Variants in PDE1C observed in about 807,000 individuals in gnomAD.
The protein encoded by PDE1C is phosphodiesterase 1C, also known as dual specificity calcium/calmodulin-dependent 3',5'-cyclic nucleotide phosphodiesterase 1C.
PDE1C carries 62 observed loss-of-function variants against 93.1 expected under a neutral mutation model. The observed-to-expected ratio is 0.67, with a 90% CI of 0.54 to 0.82. The LOEUF (loss-of-function observed/expected upper bound fraction) is 0.82. Among genes scored for constraint, PDE1C ranks in the 40% least tolerant of loss-of-function variants. PDE1C has a pLI of 0.00. For missense variants in PDE1C, 742 were observed against 884.6 expected, an observed-to-expected ratio of 0.84 and a Z score of 2.04; for synonymous variants, 325 against 310.1, an observed-to-expected ratio of 1.05 and a Z score of -0.50.
intron 2 of PDE1C, among the ~76,000 whole-genome samples, chr7:31,913,407 T>TG (rs1159540990): frequency 6.8e-6 from 1 of 146,678 alleles, no homozygotes; most frequent in Non-Finnish European, 1.5e-5. Flanking sequence ...TGAATCAAGG[T>TG]GAAAAAAAAA....
At chr7:32,189,826 C>T (rs1001974315) in intron 2 of PDE1C, among the ~76,000 whole-genome samples, 1 of 152,160 alleles carries the variant, frequency 6.6e-6, no homozygotes, top group Non-Finnish European at 1.5e-5. Context: ...CCCAAACTAG[C>T]CTTTGCTGAT....
In PDE1C at chr7:31,816,006, A is replaced by G. The variant is rs1322933125; in HGVS notation, c.1731T>C (p.Asn577=). Residue 577 remains asparagine (N), a synonymous_variant, in exon 15 of 18, where the codon AAT becomes AAC. Transcript: ENST00000396191. ...KTSGETKNQV[N]GTRANKSDNP... ...TGTCACTTTTGTTTGCCCGTGTTCC[A>G]TTGACTTGATTCTTAGTTTCTCCAG... 1 of 1,613,912 alleles carries G rather than the reference A, an allele frequency of 6.2e-7. No homozygotes were observed. Among genetic ancestry groups the G allele is most frequent in the East Asian group, 2.2e-5 (1 of 44,862 alleles).
At chr7:31,769,780 C>A (rs1795365582) in intron 17 of PDE1C, among the ~76,000 whole-genome samples, 2 of 152,178 alleles carry the variant, frequency 1.3e-5, no homozygotes, top group Non-Finnish European at 2.9e-5. Context: ...TTCTCCCCAG[C>A]CCGTGACAAC....
At chr7:32,387,542 C>G (rs1393304454) in intron 1 of PDE1C, among the ~76,000 whole-genome samples, 2 of 141,930 alleles carry the variant, frequency 1.4e-5, no homozygotes, top group Non-Finnish European at 3.1e-5. Flanking sequence ...GGCGGCTGGC[C>G]GGGCAGAGGG....
intron 3 of PDE1C, among the ~76,000 whole-genome samples, chr7:32,092,230 C>A (rs13246508): frequency 2.6e-5 from 4 of 151,906 alleles, no homozygotes; most frequent in African/African-American, 9.7e-5. Flanking sequence ...GGAAAGAGTT[C>A]CTTAAAGAGC....
chr7:31,889,022 A>C (rs1009173488), intron 2 of PDE1C, among the ~76,000 whole-genome samples: 14 of 152,222 alleles, frequency 9.2e-5, no homozygotes, highest in Admixed American at 9.2e-4. Context: ...GACCTAAATA[A>C]TGGAAGAAGA....
chr7:32,133,184 C>T (rs763884436), intron 3 of PDE1C, among the ~76,000 whole-genome samples: 4 of 152,068 alleles, frequency 2.6e-5, no homozygotes, highest in Non-Finnish European at 5.9e-5. Context: ...ATATATACAG[C>T]GTTTAAAGAC....
At chr7:31,952,943 C>T (rs189019257) in intron 2 of PDE1C, among the ~76,000 whole-genome samples, 17 of 152,160 alleles carry the variant, frequency 1.1e-4, no homozygotes, top group Admixed American at 3.9e-4. Flanking sequence ...GTTTAATTTT[C>T]TACATGCATC....
intron 6 of PDE1C, among the ~76,000 whole-genome samples, chr7:31,869,476 TATATC>T (rs1001709636): frequency 6.6e-6 from 1 of 152,004 alleles, no homozygotes; most frequent in Non-Finnish European, 1.5e-5. Context: ...TAGCTATACT[TATATC>T]AGATAAAACA....
intron 1 of PDE1C, among the ~76,000 whole-genome samples, chr7:32,408,908 A>G (rs779218867): frequency 6.6e-6 from 1 of 152,234 alleles, no homozygotes; most frequent in Non-Finnish European, 1.5e-5. Flanking sequence ...TTGCCTACAG[A>G]TTCCTCAGAA....
chr7:32,403,600 A>G (rs1330075346), intron 1 of PDE1C, among the ~76,000 whole-genome samples: 1 of 152,214 alleles, frequency 6.6e-6, no homozygotes, highest in Non-Finnish European at 1.5e-5. Flanking sequence ...TGTGACGATC[A>G]CATGCGTCTC....
the PDE1C span, among the ~76,000 whole-genome samples, chr7:31,661,159 C>T: frequency 6.6e-6 from 1 of 152,098 alleles, no homozygotes; most frequent in Non-Finnish European, 1.5e-5. Context: ...CAGTTTGCCA[C>T]ATTCAGAATC....
intron 2 of PDE1C, among the ~76,000 whole-genome samples, chr7:31,900,631 A>G (rs947087594): frequency 6.6e-6 from 1 of 151,808 alleles, no homozygotes; most frequent in Non-Finnish European, 1.5e-5. Context: ...TGAAGAAAAA[A>G]GCTCGGTAAT....
chr7:32,164,382 CCAAAGTGCACACT>C (rs1327843502), intron 3 of PDE1C, among the ~76,000 whole-genome samples: 1 of 152,148 alleles, frequency 6.6e-6, no homozygotes, highest in African/African-American at 2.4e-5. Context: ...AACTATATAT[CCAAAGTGCACACT>C]CAAATTAGTA....
At chr7:32,348,958 C>CTAAAGCTCTAA (rs984322763) in intron 1 of PDE1C, among the ~76,000 whole-genome samples, 7 of 152,246 alleles carry the variant, frequency 4.6e-5, no homozygotes, top group Admixed American at 1.3e-4. Flanking sequence ...CCTCTTCTCT[C>CTAAAGCTCTAA]ACACAACTAA....
chr7:32,139,982 C>G (rs987878532), intron 3 of PDE1C, among the ~76,000 whole-genome samples: 2 of 152,136 alleles, frequency 1.3e-5, no homozygotes, highest in Admixed American at 1.3e-4. Flanking sequence ...GATGACAATG[C>G]TCAGCCTCTG....
intron 2 of PDE1C, among the ~76,000 whole-genome samples, chr7:31,955,278 A>G (rs76219184): frequency 0.11 from 16,140 of 152,168 alleles, 1,048 homozygotes; most frequent in South Asian, 0.2. Flanking sequence ...GATTAATCAC[A>G]CTGATATCTA....
chr7:31,776,813 A>G (rs976521783), intron 16 of PDE1C, among the ~76,000 whole-genome samples: 5 of 152,070 alleles, frequency 3.3e-5, no homozygotes, highest in African/African-American at 9.7e-5. Context: ...ATTCCTCAGC[A>G]GAGGATATCC....
At chr7:31,815,892 A>C (rs775593991) in intron 15 of PDE1C, 32 bp downstream of exon 15, 1 of 1,486,506 alleles carries the variant, frequency 6.7e-7, no homozygotes, top group South Asian at 1.1e-5. Flanking sequence ...AATGCCGCGA[A>C]AAGAGCCCTT....
Sources: allele counts gnomAD v4.1 joint callset (sites outside exome capture counted in the v4.1 genomes callset), GRCh38; gene constraint gnomAD v4.1.1; transcripts MANE v1.5; gene names NCBI Gene and HGNC (gene_info 2026-07-23, HGNC 2026-07-21).